The following CHST11 variants were observed in gnomAD, a reference collection of about 807,000 sequenced individuals.
CHST11 encodes carbohydrate sulfotransferase 11, also known as C4S-1.
Under a neutral mutation model 30.4 loss-of-function variants are expected in CHST11, and 9 were observed. The ratio of observed to expected loss-of-function variants is 0.30; its 90% CI spans 0.18 to 0.52. The LOEUF (loss-of-function observed/expected upper bound fraction) is 0.52. CHST11 is among the 20% of genes least tolerant of loss of function. The pLI is 0.97. For missense variants in CHST11, 348 were observed against 460.6 expected, an observed-to-expected ratio of 0.76 and a Z score of 2.24; for synonymous variants, 152 against 187.8, an observed-to-expected ratio of 0.81 and a Z score of 1.56.
rs368484716 is a variant in CHST11, at chr12:104,518,293, AT to A, written c.118+60765del. ...GAGAGCGAGACCCTGTCTCAAAAAAATAAACATAAAAATAAAGACCACCTTT... is the reference window on the plus strand; with the variant it reads ...GAGAGCGAGACCCTGTCTCAAAAAAAAAACATAAAAATAAAGACCACCTTT... On this transcript the variant is annotated intron_variant, in intron 1 of 2. Coordinates refer to ENST00000303694, the MANE Select transcript of CHST11 (RefSeq NM_018413.6). 7.2e-3 allele frequency among the ~76,000 whole-genome samples: 1,102 copies of A among 152,248 alleles called. 17 individuals are homozygous for A. Among genetic ancestry groups the A allele is most frequent in the African/African-American group, 0.025 (1,050 of 41,536 alleles).
At chr12:104,635,658 A>C (rs1365968707) in intron 2 of CHST11, among the ~76,000 whole-genome samples, 2 of 152,234 alleles carry the variant, frequency 1.3e-5, no homozygotes, top group Non-Finnish European at 2.9e-5. Flanking sequence ...CTCTGACATC[A>C]ACTGAGTGTT....
At chr12:104,585,786 G>T (rs557451528) in intron 1 of CHST11, among the ~76,000 whole-genome samples, 1 of 152,306 alleles carries the variant, frequency 6.6e-6, no homozygotes, top group East Asian at 1.9e-4. Context: ...CAGCAGGGCC[G>T]TGTTCCCTCT....
chr12:104,750,428 C>CCTTT (rs1420945578), intron 2 of CHST11, among the ~76,000 whole-genome samples: 35 of 48,836 alleles, frequency 7.2e-4, no homozygotes, highest in African/African-American at 2.7e-3. Context: ...TATTTCTGCA[C>CCTTT]TTTTTTTTTT....
rs1192792573 is a variant in CHST11, at chr12:104,757,007, C to T, written c.263C>T (p.Thr88Met). Residue 88 changes from threonine to methionine, a missense_variant, in exon 3 of 3, where the codon ACG (threonine) becomes ATG (methionine). Physicochemically the swap from Thr to Met is moderately conservative, Grantham distance 81 (BLOSUM62 -1). Coordinates refer to ENST00000303694, the MANE Select transcript of CHST11 (RefSeq NM_018413.6). The surrounding 1 kb of genome is among the most constrained non-coding windows in gnomAD (Gnocchi z 6.5). ...ATGCGGCGGGACCAGGTGACAGACA[C>T]GTGCCGAGCCAACAGCGCCACAAGC... is the stretch of plus-strand genomic sequence containing the variant. ...HQMRRDQVTD[T>M]CRANSATSRK... 11 of 1,613,240 alleles carry T rather than the reference C, an allele frequency of 6.8e-6. No individual in the cohort carries two copies. Among genetic ancestry groups the T allele is most frequent in the East Asian group, 2.2e-5 (1 of 44,876 alleles).
At chr12:104,657,302 C>T (rs1272342736) in intron 2 of CHST11, among the ~76,000 whole-genome samples, 2 of 152,224 alleles carry the variant, frequency 1.3e-5, no homozygotes, top group African/African-American at 4.8e-5. Flanking sequence ...TGACCACTTA[C>T]GCACATTTTA....
intron 2 of CHST11, among the ~76,000 whole-genome samples, chr12:104,670,728 C>T (rs1180479028): frequency 1.4e-5 from 2 of 138,184 alleles, no homozygotes; most frequent in African/African-American, 2.9e-5. Flanking sequence ...ACCACATATA[C>T]ACACACACTC....
chr12:104,637,517 T>C (rs1225042686), intron 2 of CHST11, among the ~76,000 whole-genome samples: 2 of 152,114 alleles, frequency 1.3e-5, no homozygotes, highest in Non-Finnish European at 2.9e-5. Flanking sequence ...CAAAAACCTT[T>C]GGCTACAAAA....
chr12:104,695,469 GTGTGTA>G (rs1476637347), intron 2 of CHST11, among the ~76,000 whole-genome samples: 96 of 149,048 alleles, frequency 6.4e-4, no homozygotes, highest in African/African-American at 2.2e-3. Context: ...GTGTGTGTGT[GTGTGTA>G]TGTGTCCTTG....
intron 1 of CHST11, among the ~76,000 whole-genome samples, chr12:104,514,598 G>A (rs1203589213): frequency 1.3e-5 from 2 of 152,170 alleles, no homozygotes; most frequent in African/African-American, 2.4e-5. Flanking sequence ...GAAGTATGAC[G>A]TCAGTGTCTG....
At chr12:104,706,426 A>G (rs1344263739) in intron 2 of CHST11, among the ~76,000 whole-genome samples, 2 of 22,508 alleles carry the variant, frequency 8.9e-5, no homozygotes, top group Admixed American at 6.0e-4. Context: ...AGGTAGGTAC[A>G]CAGGTGGGTG....
At chr12:104,687,577 C>T (rs980365782) in intron 2 of CHST11, among the ~76,000 whole-genome samples, 1 of 152,186 alleles carries the variant, frequency 6.6e-6, no homozygotes, top group African/African-American at 2.4e-5. Flanking sequence ...GATTTGATTC[C>T]AGGGTAGTCT....
chr12:104,543,116 G>A (rs1480619321), intron 1 of CHST11, among the ~76,000 whole-genome samples: 7 of 152,210 alleles, frequency 4.6e-5, no homozygotes, highest in Non-Finnish European at 1.5e-5. Flanking sequence ...TTCCAGTCAT[G>A]GCAGAAGGTG....
chr12:104,490,138 A>G (rs2037730604), intron 1 of CHST11, among the ~76,000 whole-genome samples: 1 of 152,242 alleles, frequency 6.6e-6, no homozygotes, highest in Non-Finnish European at 1.5e-5. Context: ...ATGTCTGTGC[A>G]CAGACCAGGT....
chr12:104,593,007 C>G (rs1380226514), intron 1 of CHST11, among the ~76,000 whole-genome samples: 3 of 152,160 alleles, frequency 2.0e-5, no homozygotes, highest in Non-Finnish European at 2.9e-5. Flanking sequence ...ATTAGAGTCC[C>G]CACTGGAAGG....
chr12:104,544,138 A>AAAAAAAGAAAGAAAGAAAGAAAG (rs1555231335), intron 1 of CHST11, among the ~76,000 whole-genome samples: 1 of 71,726 alleles, frequency 1.4e-5, no homozygotes, highest in Non-Finnish European at 2.6e-5. Context: ...AAAAAAAAAA[A>AAAAAAAGAAAGAAAGAAAGAAAG]AAAGAAAGAA....
chr12:104,663,587 T>G (rs1306612194), intron 2 of CHST11, among the ~76,000 whole-genome samples: 2 of 152,188 alleles, frequency 1.3e-5, no homozygotes, highest in African/African-American at 4.8e-5. Flanking sequence ...GAGCAGTTTT[T>G]CTCCATAACA....
In CHST11 at chr12:104,757,749, A is replaced by G. The variant is rs143696633; in HGVS notation, c.1005A>G (p.Lys335=). 3.8e-5 allele frequency: 61 copies of G among 1,614,078 alleles called. No homozygotes were observed. The African/African-American group carries it at 7.1e-4, about 19-fold the overall frequency. The change falls in exon 3 of 3, where the codon AAA becomes AAG. Residue 335 remains lysine, a synonymous_variant. Coordinates refer to ENST00000303694, the MANE Select transcript of CHST11 (RefSeq NM_018413.6). The surrounding 1 kb of genome is among the most constrained non-coding windows in gnomAD (Gnocchi z 6.5). ...EHQTQLYEVY[K]LDFLMFNYSV... Reference sequence around the variant, plus strand: ...AAACGCAGCTGTACGAAGTCTACAAACTCGATTTTTTAATGTTCAATTACT... The same window carrying G: ...AAACGCAGCTGTACGAAGTCTACAAGCTCGATTTTTTAATGTTCAATTACT...
At chr12:104,550,966 T>G (rs2038398527) in intron 1 of CHST11, among the ~76,000 whole-genome samples, 1 of 152,198 alleles carries the variant, frequency 6.6e-6, no homozygotes, top group East Asian at 1.9e-4. Context: ...TAATTTTTTT[T>G]TTCCTCTTTC....
At chr12:104,697,455 T>G (rs1177296586) in intron 2 of CHST11, among the ~76,000 whole-genome samples, 1 of 152,204 alleles carries the variant, frequency 6.6e-6, no homozygotes, top group Non-Finnish European at 1.5e-5. Context: ...AGCTGGGACG[T>G]CGGAGCTCCT....
Sources: gnomAD v4.1 joint callset for allele counts (sites outside exome capture counted in the v4.1 genomes callset) on GRCh38, gnomAD v4.1.1 for gene constraint, Gnocchi (gnomAD v3.1) non-coding constraint, MANE v1.5 for transcripts, NCBI Gene and HGNC (gene_info 2026-07-23, HGNC 2026-07-21) for gene names.